Variants in DLGAP1 observed in about 807,000 individuals in gnomAD.
DLGAP1 encodes the protein disks large-associated protein 1.
Under a neutral mutation model 90.8 loss-of-function variants are expected in DLGAP1, and 11 were observed. The observed-to-expected ratio is 0.12, with a 90% CI of 0.08 to 0.20. DLGAP1 has a LOEUF of 0.20. Ranked by LOEUF, DLGAP1 falls within the 10% of genes least tolerant of loss-of-function variation. The probability of loss-of-function intolerance (pLI) is 1.00; values close to 1 mark genes in which losing one functional copy is unlikely to be tolerated. For missense variants in DLGAP1, 1,050 were observed against 1,333.8 expected (o/e 0.79, Z 3.31); for synonymous variants, 558 against 540.7 (o/e 1.03, Z -0.44).
Position 4,254,886 on chromosome 18 carries a change from T to C in DLGAP1, c.-266-103599A>G, listed in dbSNP as rs748107234. Among the ~76,000 whole-genome samples, 79 of 152,240 alleles carry C rather than the reference T, an allele frequency of 5.2e-4. 1 individual carries two copies. The Middle Eastern group carries it at 0.017, about 33-fold the overall frequency. ...GAGGAAATACTGACATACAAAAACA[T>C]GAATCAAGACAGTCTGTAGTAAGGT... On this transcript the variant is annotated intron_variant, in intron 1 of 12. Coordinates refer to ENST00000315677, the MANE Select transcript of DLGAP1 (RefSeq NM_004746.4).
At chr18:3,927,502 G>A (rs904780105) in intron 3 of DLGAP1, among the ~76,000 whole-genome samples, 4 of 152,226 alleles carry the variant, frequency 2.6e-5, no homozygotes, top group African/African-American at 7.2e-5. Flanking sequence ...AAATCATAAA[G>A]GTGCCATCAT....
At chr18:4,273,806 A>G (rs982100716) in intron 1 of DLGAP1, among the ~76,000 whole-genome samples, 8 of 152,244 alleles carry the variant, frequency 5.3e-5, no homozygotes, top group Non-Finnish European at 1.2e-4. Flanking sequence ...GTAATTGTTC[A>G]TAGTATTTTC....
At chr18:4,151,704 A>C (rs932072115) in intron 1 of DLGAP1, among the ~76,000 whole-genome samples, 1 of 152,216 alleles carries the variant, frequency 6.6e-6, no homozygotes, top group Non-Finnish European at 1.5e-5. Context: ...AAAAGGGCTA[A>C]AATGTATCAT....
At chr18:4,067,065 T>A (rs926754366) in intron 2 of DLGAP1, among the ~76,000 whole-genome samples, 1 of 151,994 alleles carries the variant, frequency 6.6e-6, no homozygotes, top group Admixed American at 6.6e-5. Context: ...CTTAGCAAAT[T>A]AACATAGGAA....
chr18:3,839,250 G>C (rs2068571623), intron 4 of DLGAP1, among the ~76,000 whole-genome samples: 1 of 152,156 alleles, frequency 6.6e-6, no homozygotes, highest in East Asian at 1.9e-4. Flanking sequence ...TGCTTCCTGT[G>C]TGCCAAGCAC....
chr18:4,135,728 A>G (rs1425834258), intron 2 of DLGAP1, among the ~76,000 whole-genome samples: 2 of 148,012 alleles, frequency 1.4e-5, no homozygotes, highest in Non-Finnish European at 3.0e-5. Context: ...TGCTTGGCTT[A>G]TTTCACTTAA....
chr18:3,684,208 G>A (rs2060621985), intron 7 of DLGAP1, among the ~76,000 whole-genome samples: 1 of 148,982 alleles, frequency 6.7e-6, no homozygotes, highest in African/African-American at 2.5e-5. Context: ...TTTTCTTTTT[G>A]AGACAAGGTC....
At chr18:3,734,449 C>T (rs2062563510) in intron 6 of DLGAP1, among the ~76,000 whole-genome samples, 1 of 150,892 alleles carries the variant, frequency 6.6e-6, no homozygotes, top group Admixed American at 6.6e-5. Flanking sequence ...ATTTTCCTTC[C>T]TTTCTAGTTC....
chr18:3,944,995 C>A (rs1020383700), intron 3 of DLGAP1, among the ~76,000 whole-genome samples: 1 of 152,264 alleles, frequency 6.6e-6, no homozygotes. Flanking sequence ...GTTTTCTTCT[C>A]AAAAATCTTT....
intron 7 of DLGAP1, among the ~76,000 whole-genome samples, chr18:3,632,919 T>C (rs758465494): frequency 7.9e-5 from 12 of 152,132 alleles, no homozygotes; most frequent in Non-Finnish European, 1.6e-4. Flanking sequence ...AGACAAGTGT[T>C]TGTTTTTGTG....
At chr18:3,838,078 A>G (rs2068507748) in intron 4 of DLGAP1, among the ~76,000 whole-genome samples, 1 of 152,140 alleles carries the variant, frequency 6.6e-6, no homozygotes, top group African/African-American at 2.4e-5. Flanking sequence ...GAAGGCAGAG[A>G]CAATTTTAGA....
At chr18:4,155,511 C>G (rs1214632794) in intron 1 of DLGAP1, among the ~76,000 whole-genome samples, 1 of 152,168 alleles carries the variant, frequency 6.6e-6, no homozygotes, top group Non-Finnish European at 1.5e-5. Flanking sequence ...TTTTCTCCCA[C>G]AGTTGCTGTT....
At chr18:4,219,980 T>C (rs187120821) in intron 1 of DLGAP1, among the ~76,000 whole-genome samples, 6 of 152,238 alleles carry the variant, frequency 3.9e-5, no homozygotes, top group South Asian at 2.1e-4. Context: ...TGTGGTTCCA[T>C]ATAAATTTTA....
chr18:3,871,381 T>A (rs536663217), intron 4 of DLGAP1, among the ~76,000 whole-genome samples: 1 of 151,208 alleles, frequency 6.6e-6, no homozygotes, highest in Non-Finnish European at 1.5e-5. Flanking sequence ...ATTCTAAAAT[T>A]GTCATTTTAA....
At chr18:3,914,755 T>C (rs1295787684) in intron 3 of DLGAP1, among the ~76,000 whole-genome samples, 1 of 152,130 alleles carries the variant, frequency 6.6e-6, no homozygotes, top group East Asian at 1.9e-4. Flanking sequence ...ATAATAGCCA[T>C]GTTATTATTA....
chr18:3,932,424 CA>C (rs2072539356), intron 3 of DLGAP1, among the ~76,000 whole-genome samples: 2 of 152,216 alleles, frequency 1.3e-5, no homozygotes, highest in African/African-American at 4.8e-5. Context: ...ACAACCCCCA[CA>C]AGGACTGTGC....
At chr18:4,409,669 G>A (rs2082735294) in intron 1 of DLGAP1, among the ~76,000 whole-genome samples, 1 of 152,110 alleles carries the variant, frequency 6.6e-6, no homozygotes, top group South Asian at 2.1e-4. Context: ...CTGATCATTA[G>A]TGATGTTGAT....
intron 7 of DLGAP1, among the ~76,000 whole-genome samples, chr18:3,686,023 A>G (rs2146954872): frequency 6.6e-6 from 1 of 152,012 alleles, no homozygotes; most frequent in East Asian, 1.9e-4. Context: ...AAAATACAGA[A>G]AAATTTAATT....
At chr18:3,983,750 A>C (rs2073785727) in intron 3 of DLGAP1, 1 of 152,250 alleles carries the variant, frequency 6.6e-6, no homozygotes, top group Non-Finnish European at 1.5e-5. Flanking sequence ...TTATGAAAGA[A>C]GCACTTGTAA....
Sources: gnomAD v4.1 joint callset for allele counts (sites outside exome capture counted in the v4.1 genomes callset) on GRCh38, gnomAD v4.1.1 for gene constraint, MANE v1.5 for transcripts, NCBI Gene and HGNC (gene_info 2026-07-23, HGNC 2026-07-21) for gene names.